SLCO2A1: variants seen among roughly 807,000 people sequenced by gnomAD.
SLCO2A1 encodes solute carrier organic anion transporter family member 2A1, also known as matrin F/G 1.
SLCO2A1 carries 60 observed loss-of-function variants against 71.7 expected under a neutral mutation model. The ratio of observed to expected loss-of-function variants is 0.84; its 90% confidence interval spans 0.68 to 1.04. SLCO2A1 has a LOEUF of 1.04. SLCO2A1 is among the 50% of genes least tolerant of loss of function. SLCO2A1 has a pLI of 0.00. For synonymous variants in SLCO2A1, 308 were observed against 326.7 expected (o/e 0.94, Z 0.62); for missense variants, 745 against 813.4 (o/e 0.92, Z 1.02).
At chr3:133,947,188 A>G in intron 9 of SLCO2A1, 68 bp downstream of exon 9, 2 of 1,325,326 alleles carry the variant, frequency 1.5e-6, no homozygotes, top group Non-Finnish European at 2.1e-6. Context: ...AGGAAGGAAG[A>G]TGTATAACAG....
intron 1 of SLCO2A1, among the ~76,000 whole-genome samples, chr3:134,023,996 C>T (rs1279075958): frequency 6.6e-6 from 1 of 152,250 alleles, no homozygotes; most frequent in Non-Finnish European, 1.5e-5. Context: ...CACTAAGTCA[C>T]TTCATGTCTC....
At chr3:133,977,533 G>A (rs1229129488) in intron 2 of SLCO2A1, among the ~76,000 whole-genome samples, 2 of 152,094 alleles carry the variant, frequency 1.3e-5, no homozygotes, top group Non-Finnish European at 2.9e-5. Context: ...TACCACCTGG[G>A]CTGAGGTGAA....
intron 3 of SLCO2A1, 94 bp downstream of exon 3, chr3:133,973,569 G>A: frequency 7.7e-7 from 1 of 1,292,814 alleles, no homozygotes; most frequent in Non-Finnish European, 1.1e-6. Flanking sequence ...CCTCTTCCTG[G>A]AGTGGTATCC....
intron 3 of SLCO2A1, among the ~76,000 whole-genome samples, chr3:133,966,235 G>T (rs1934162808): frequency 6.6e-6 from 1 of 152,218 alleles, no homozygotes; most frequent in Admixed American, 6.5e-5. Flanking sequence ...CTACAGCAAA[G>T]TTGAATAATT....
chr3:133,969,343 T>C (rs2108053096), intron 3 of SLCO2A1, among the ~76,000 whole-genome samples: 1 of 152,122 alleles, frequency 6.6e-6, no homozygotes, highest in South Asian at 2.1e-4. Flanking sequence ...GGCAGGGGAA[T>C]TGCTTGAGCC....
At chr3:133,955,558 C>G (rs766983176) in intron 3 of SLCO2A1, among the ~76,000 whole-genome samples, 4 of 152,144 alleles carry the variant, frequency 2.6e-5, no homozygotes, top group African/African-American at 4.8e-5. Flanking sequence ...GGGCACCCAG[C>G]TGGAAAAGGG....
chr3:133,988,595 T>C (rs1934766387), intron 1 of SLCO2A1, among the ~76,000 whole-genome samples: 1 of 152,236 alleles, frequency 6.6e-6, no homozygotes. Context: ...GTAAAATATT[T>C]GAAGAGATGT....
At chr3:133,981,067 A>G (rs1934576509) in intron 1 of SLCO2A1, among the ~76,000 whole-genome samples, 1 of 152,190 alleles carries the variant, frequency 6.6e-6, no homozygotes, top group Non-Finnish European at 1.5e-5. Context: ...CTTTTCACAA[A>G]TGGGGAAACT....
chr3:133,950,271 C>T (rs1305038485), intron 6 of SLCO2A1, among the ~76,000 whole-genome samples: 1 of 152,200 alleles, frequency 6.6e-6, no homozygotes, highest in Non-Finnish European at 1.5e-5. Context: ...TCCTCCCACC[C>T]CTGCCCCTCT....
intron 12 of SLCO2A1, among the ~76,000 whole-genome samples, chr3:133,937,257 A>C (rs910493446): frequency 6.6e-6 from 1 of 152,208 alleles, no homozygotes; most frequent in African/African-American, 2.4e-5. Context: ...GTTATAAATG[A>C]AAATAAGGAG....
chr3:133,960,500 T>A (rs1934011206), intron 3 of SLCO2A1, among the ~76,000 whole-genome samples: 1 of 152,070 alleles, frequency 6.6e-6, no homozygotes, highest in Non-Finnish European at 1.5e-5. Context: ...ATCTAAGAAG[T>A]CAAATTCACA....
chr3:134,019,193 C>T (rs1473357291), intron 1 of SLCO2A1, among the ~76,000 whole-genome samples: 1 of 152,196 alleles, frequency 6.6e-6, no homozygotes, highest in African/African-American at 2.4e-5. Context: ...TGAAGTCTCA[C>T]ATACCTGGTT....
chr3:134,003,167 T>A (rs1935137422), intron 1 of SLCO2A1, among the ~76,000 whole-genome samples: 1 of 152,222 alleles, frequency 6.6e-6, no homozygotes, highest in East Asian at 1.9e-4. Flanking sequence ...ACCTGTAGGT[T>A]TCAAGACTCC....
intron 1 of SLCO2A1, among the ~76,000 whole-genome samples, chr3:133,996,053 T>C (rs1209358463): frequency 6.6e-6 from 1 of 152,212 alleles, no homozygotes; most frequent in African/African-American, 2.4e-5. Flanking sequence ...TTCAAGGTTT[T>C]TCTGTAGCAG....
chr3:133,953,676 G>C lies in SLCO2A1; in HGVS notation c.711C>G (p.Gly237=). The stretch of plus-strand genomic sequence containing the variant: ...GCACATACTCACCTGTGTTGACCCT[G>C]CCATAGTCCACAAAGATCTGCAGCA... ...SVMLQIFVDY[G]RVNTAAVNLV... The change falls in exon 5 of 14, where the codon GGC becomes GGG. Residue 237 remains glycine, a synonymous_variant. Transcript: ENST00000310926. 6.2e-7 allele frequency: 1 copy of C among 1,614,040 alleles called. No individual in the cohort carries two copies. The highest frequency in any genetic ancestry group is 8.5e-7 in the Non-Finnish European group (1 of 1,179,928).
chr3:133,957,616 C>T (rs1277094251), intron 3 of SLCO2A1, among the ~76,000 whole-genome samples: 1 of 152,186 alleles, frequency 6.6e-6, no homozygotes, highest in Non-Finnish European at 1.5e-5. Context: ...TAGCCACCTT[C>T]AGACATATGA....
At chr3:133,961,952 G>A (rs1313254085) in intron 3 of SLCO2A1, among the ~76,000 whole-genome samples, 2 of 152,214 alleles carry the variant, frequency 1.3e-5, no homozygotes, top group African/African-American at 4.8e-5. Context: ...GCGGGGACAG[G>A]TGTTTATGTC....
intron 1 of SLCO2A1, among the ~76,000 whole-genome samples, chr3:133,992,120 A>G (rs1934861182): frequency 6.6e-6 from 1 of 152,232 alleles, no homozygotes; most frequent in Non-Finnish European, 1.5e-5. Context: ...AGTACGCTCA[A>G]CTTCAGCAAA....
intron 1 of SLCO2A1, among the ~76,000 whole-genome samples, chr3:133,980,837 C>T (rs573661089): frequency 7.9e-5 from 12 of 152,300 alleles, no homozygotes; most frequent in Admixed American, 4.6e-4. Flanking sequence ...CTCACAGCCT[C>T]CAGGTCTGGA....
Sources: gnomAD v4.1 joint callset for allele counts (sites outside exome capture counted in the v4.1 genomes callset) on GRCh38, gnomAD v4.1.1 for gene constraint, MANE v1.5 for transcripts, NCBI Gene and HGNC (gene_info 2026-07-23, HGNC 2026-07-21) for gene names.